EYS: variants seen among roughly 807,000 people sequenced by gnomAD.
The protein encoded by EYS is EGF-like photoreceptor maintenance factor.
EYS carries 250 observed loss-of-function variants against 282.1 expected under a neutral mutation model. The ratio of observed to expected loss-of-function variants is 0.89; its 90% CI spans 0.80 to 0.98. EYS has a LOEUF of 0.98. EYS is among the 50% of genes least tolerant of loss of function. The pLI is 0.00. For synonymous variants in EYS, 1,355 were observed against 1,282.9 expected (o/e 1.06, Z -1.20); for missense variants, 4,016 against 3,709.0 (o/e 1.08, Z -2.15).
At chr6:64,667,286 C>T (rs75281327) in intron 22 of EYS, among the ~76,000 whole-genome samples, 15,900 of 151,262 alleles carry the variant, frequency 0.11, 993 homozygotes, top group East Asian at 0.16. Flanking sequence ...TATTTGATCT[C>T]CTAATTTCTT....
At chr6:65,166,119 T>A (rs1366884776) in intron 12 of EYS, among the ~76,000 whole-genome samples, 3 of 151,202 alleles carry the variant, frequency 2.0e-5, no homozygotes, top group African/African-American at 7.3e-5. Flanking sequence ...ATGTCCCGTG[T>A]TCATGAATTG....
At chr6:64,612,718 G>A (rs1767152397) in intron 24 of EYS, among the ~76,000 whole-genome samples, 1 of 151,980 alleles carries the variant, frequency 6.6e-6, no homozygotes, top group Non-Finnish European at 1.5e-5. Context: ...TCCCTACCCA[G>A]CAGGGACTAT....
chr6:63,824,976 T>A (rs985402753), intron 36 of EYS, among the ~76,000 whole-genome samples: 12 of 152,180 alleles, frequency 7.9e-5, no homozygotes, highest in Non-Finnish European at 1.3e-4. Context: ...AAAGCCCTTT[T>A]CTTTTGCAGC....
chr6:64,286,225 A>C (rs1768496558), intron 30 of EYS, among the ~76,000 whole-genome samples: 1 of 152,210 alleles, frequency 6.6e-6, no homozygotes. Context: ...ATGACCAAGA[A>C]GAAACTTACA....
chr6:64,067,118 T>C (rs1160343068), intron 32 of EYS, among the ~76,000 whole-genome samples: 1 of 152,152 alleles, frequency 6.6e-6, no homozygotes, highest in Non-Finnish European at 1.5e-5. Context: ...ATTTTATTTT[T>C]AAAAATGAGA....
chr6:65,470,677 T>C (rs2127238906), intron 5 of EYS, among the ~76,000 whole-genome samples: 1 of 152,294 alleles, frequency 6.6e-6, no homozygotes, highest in South Asian at 2.1e-4. Context: ...GTAACTGAGC[T>C]GACAGAAAGA....
At chr6:64,152,175 C>G (rs1227380888) in intron 31 of EYS, among the ~76,000 whole-genome samples, 2 of 151,960 alleles carry the variant, frequency 1.3e-5, no homozygotes, top group Non-Finnish European at 1.5e-5. Context: ...AATACATATG[C>G]AACTTTAGAG....
chr6:63,856,247 G>A (rs1772388467), intron 36 of EYS, among the ~76,000 whole-genome samples: 1 of 148,392 alleles, frequency 6.7e-6, no homozygotes, highest in East Asian at 2.0e-4. Context: ...AAACTACAGA[G>A]GTTTACTTTC....
At chr6:64,635,491 T>C (rs912422614) in intron 22 of EYS, among the ~76,000 whole-genome samples, 2 of 152,178 alleles carry the variant, frequency 1.3e-5, no homozygotes, top group African/African-American at 2.4e-5. Context: ...TTTTGAGATA[T>C]GTCCCATCAA....
At chr6:64,186,119 C>T (rs1484615342) in intron 31 of EYS, among the ~76,000 whole-genome samples, 1 of 152,062 alleles carries the variant, frequency 6.6e-6, no homozygotes, top group Non-Finnish European at 1.5e-5. Flanking sequence ...TTGTACAGGG[C>T]AGCGACTCCT....
intron 22 of EYS, among the ~76,000 whole-genome samples, chr6:64,749,320 TTTA>T (rs1554199519): frequency 7.2e-5 from 11 of 152,182 alleles, no homozygotes; most frequent in Admixed American, 2.0e-4. Context: ...TAAAATCTGA[TTTA>T]TTTAAGACCT....
chr6:64,692,238 C>T (rs141035957), intron 22 of EYS, among the ~76,000 whole-genome samples: 4 of 152,242 alleles, frequency 2.6e-5, no homozygotes, highest in African/African-American at 9.6e-5. Flanking sequence ...TTGCATTTCT[C>T]TGATGTTTAG....
chr6:64,420,132 C>T (rs925843016), intron 28 of EYS, among the ~76,000 whole-genome samples: 16 of 152,170 alleles, frequency 1.1e-4, no homozygotes, highest in African/African-American at 2.9e-4. Flanking sequence ...CCTCAGTTCT[C>T]GACTTCTGTG....
chr6:64,853,918 C>A (rs900426795), intron 19 of EYS, among the ~76,000 whole-genome samples: 2 of 151,898 alleles, frequency 1.3e-5, no homozygotes, highest in Non-Finnish European at 1.5e-5. Context: ...AAACAAACAA[C>A]CCCATCAAAA....
At position 65,584,622 on chromosome 6, in the gene EYS, G is replaced by A. The variant is rs549350296; in HGVS notation, c.-333+55156C>T. Among the ~76,000 whole-genome samples, 22 of 151,864 alleles carry A rather than the reference G, an allele frequency of 1.4e-4. No homozygotes were observed. The South Asian group carries it at 1.9e-3, about 13-fold the overall frequency. ...ACCTTCAAACGAATCATTTTTCTTT[G>A]AAAATACTACGCTAAGGCTAATCTT... On this transcript the variant is annotated intron_variant, in intron 2 of 42. Transcript: ENST00000503581.
intron 22 of EYS, among the ~76,000 whole-genome samples, chr6:64,707,621 C>A (rs1323545355): frequency 2.0e-5 from 3 of 148,308 alleles, no homozygotes; most frequent in African/African-American, 7.5e-5. Context: ...GTGGAGATCA[C>A]GCCACTGCAC....
chr6:64,055,592 A>T (rs887922569), intron 33 of EYS, among the ~76,000 whole-genome samples: 1 of 152,090 alleles, frequency 6.6e-6, no homozygotes, highest in Non-Finnish European at 1.5e-5. Context: ...ACCCAGGTAT[A>T]CCCTACTTGG....
chr6:65,243,601 C>G (rs778420203), intron 12 of EYS, among the ~76,000 whole-genome samples: 1 of 151,538 alleles, frequency 6.6e-6, no homozygotes, highest in Non-Finnish European at 1.5e-5. Context: ...ATGTCAAAGA[C>G]TTTATTTTTT....
chr6:64,389,225 T>G (rs1031364985), intron 28 of EYS, among the ~76,000 whole-genome samples: 1 of 152,180 alleles, frequency 6.6e-6, no homozygotes, highest in Non-Finnish European at 1.5e-5. Context: ...CAGTGTACAA[T>G]ATATACTTAG....
Sources: gnomAD v4.1 joint callset for allele counts (sites outside exome capture counted in the v4.1 genomes callset) on GRCh38, gnomAD v4.1.1 for gene constraint, MANE v1.5 for transcripts, NCBI Gene and HGNC (gene_info 2026-07-23, HGNC 2026-07-21) for gene names.